CNTN5: variants seen among roughly 807,000 people sequenced by gnomAD.
The protein encoded by CNTN5 is contactin-5.
CNTN5 carries 77 observed loss-of-function variants against 129.1 expected under a neutral mutation model. The observed-to-expected ratio is 0.60, with a 90% CI of 0.50 to 0.72. CNTN5 has a LOEUF of 0.72. Ranked by LOEUF, CNTN5 falls within the 30% of genes least tolerant of loss-of-function variation. The pLI, the probability that CNTN5 is intolerant of heterozygous loss-of-function variation, is 0.00. For missense variants in CNTN5, 1,478 were observed against 1,328.8 expected, an observed-to-expected ratio of 1.11 and a Z score of -1.75; for synonymous variants, 509 against 465.6, an observed-to-expected ratio of 1.09 and a Z score of -1.20.
At chr11:99,853,047 C>G (rs577216672) in intron 6 of CNTN5, among the ~76,000 whole-genome samples, 1 of 151,732 alleles carries the variant, frequency 6.6e-6, no homozygotes, top group African/African-American at 2.4e-5. Flanking sequence ...CAATATAGTA[C>G]AAAAAAGTAT....
chr11:99,028,287 A>C (rs931102492), intron 1 of CNTN5, among the ~76,000 whole-genome samples: 2 of 151,890 alleles, frequency 1.3e-5, no homozygotes, highest in Admixed American at 6.6e-5. Context: ...CAATTTCAAC[A>C]TTAATTTACT....
intron 1 of CNTN5, among the ~76,000 whole-genome samples, chr11:99,095,149 T>C (rs934166529): frequency 2.6e-5 from 4 of 151,908 alleles, no homozygotes; most frequent in African/African-American, 9.7e-5. Flanking sequence ...ATATACTGTA[T>C]ACTAATTTAA....
At chr11:99,278,533 GA>G (rs1405883938) in intron 1 of CNTN5, among the ~76,000 whole-genome samples, 1 of 151,656 alleles carries the variant, frequency 6.6e-6, no homozygotes, top group Non-Finnish European at 1.5e-5. Flanking sequence ...TGCTGATTAT[GA>G]TGATGATAGT....
intron 1 of CNTN5, among the ~76,000 whole-genome samples, chr11:99,087,364 T>TA (rs1234415416): frequency 6.6e-6 from 1 of 152,228 alleles, no homozygotes; most frequent in African/African-American, 2.4e-5. Flanking sequence ...TCATAATTTT[T>TA]ATATGGTTCT....
At chr11:99,948,808 G>A (rs566570322) in intron 7 of CNTN5, among the ~76,000 whole-genome samples, 56 of 152,230 alleles carry the variant, frequency 3.7e-4, no homozygotes, top group Non-Finnish European at 7.5e-4. Context: ...ACCTTCACCC[G>A]ATGCGTGCGC....
chr11:99,475,711 AATG>A (rs1309816146), intron 2 of CNTN5, among the ~76,000 whole-genome samples: 5 of 152,108 alleles, frequency 3.3e-5, no homozygotes, highest in Non-Finnish European at 7.4e-5. Flanking sequence ...TTTGTAAATA[AATG>A]ATTTTATTGC....
intron 3 of CNTN5, among the ~76,000 whole-genome samples, chr11:99,779,567 G>A (rs1945242050): frequency 6.6e-6 from 1 of 151,908 alleles, no homozygotes; most frequent in African/African-American, 2.4e-5. Context: ...CTTGTTTTCT[G>A]TGTGCCAAGT....
intron 1 of CNTN5, among the ~76,000 whole-genome samples, chr11:99,299,686 T>C (rs1307492892): frequency 6.6e-6 from 1 of 152,166 alleles, no homozygotes; most frequent in East Asian, 1.9e-4. Context: ...CTAGGAGTGA[T>C]GGTCCCCAAC....
At chr11:100,277,742 C>A (rs1005280606) in intron 18 of CNTN5, among the ~76,000 whole-genome samples, 6 of 152,006 alleles carry the variant, frequency 3.9e-5, no homozygotes, top group Non-Finnish European at 8.8e-5. Flanking sequence ...AGGTAGTTTG[C>A]AAATATTTTC....
At chr11:99,634,217 C>T (rs1951466630) in intron 3 of CNTN5, among the ~76,000 whole-genome samples, 1 of 152,110 alleles carries the variant, frequency 6.6e-6, no homozygotes, top group Non-Finnish European at 1.5e-5. Flanking sequence ...GTCTACACTT[C>T]ATGGGTATTT....
intron 16 of CNTN5, among the ~76,000 whole-genome samples, chr11:100,254,349 A>T (rs1028788141): frequency 6.6e-6 from 1 of 152,212 alleles, no homozygotes; most frequent in African/African-American, 2.4e-5. Context: ...AGTTTAAAAA[A>T]TGAGTACCTT....
intron 7 of CNTN5, among the ~76,000 whole-genome samples, chr11:99,928,429 C>G (rs887384246): frequency 9.8e-5 from 15 of 152,316 alleles, no homozygotes; most frequent in African/African-American, 2.9e-4. Flanking sequence ...GTCCCTGCAG[C>G]AAGCTTCTGC....
At chr11:100,349,658 C>G (rs1002830567) in intron 23 of CNTN5, among the ~76,000 whole-genome samples, 2 of 151,758 alleles carry the variant, frequency 1.3e-5, no homozygotes, top group Non-Finnish European at 2.9e-5. Flanking sequence ...TGTATGAATA[C>G]AAAGCCATTT....
At chr11:99,243,582 T>C (rs1861669443) in intron 1 of CNTN5, among the ~76,000 whole-genome samples, 1 of 152,126 alleles carries the variant, frequency 6.6e-6, no homozygotes, top group Non-Finnish European at 1.5e-5. Flanking sequence ...TTCTAGGATA[T>C]GTATAGTTTT....
intron 8 of CNTN5, among the ~76,000 whole-genome samples, chr11:99,965,897 A>C (rs554900904): frequency 1.3e-5 from 2 of 152,320 alleles, no homozygotes; most frequent in African/African-American, 4.8e-5. Context: ...TAAGAAGGAC[A>C]CTTTCCTGAA....
intron 2 of CNTN5, among the ~76,000 whole-genome samples, chr11:99,534,920 A>G (rs1947846587): frequency 6.6e-6 from 1 of 152,134 alleles, no homozygotes; most frequent in Non-Finnish European, 1.5e-5. Flanking sequence ...GAAAGGTGGT[A>G]TGTTGGAAAG....
At chr11:100,165,323 TG>T (rs1311689540) in intron 13 of CNTN5, among the ~76,000 whole-genome samples, 2 of 151,748 alleles carry the variant, frequency 1.3e-5, no homozygotes, top group Non-Finnish European at 2.9e-5. Flanking sequence ...CTGTGTAACT[TG>T]GCCCTCTCCT....
intron 13 of CNTN5, among the ~76,000 whole-genome samples, chr11:100,161,191 T>C (rs985512992): frequency 6.6e-6 from 1 of 151,894 alleles, no homozygotes; most frequent in Non-Finnish European, 1.5e-5. Flanking sequence ...CTGAAGTTTT[T>C]CATGATTGGG....
intron 13 of CNTN5, among the ~76,000 whole-genome samples, chr11:100,135,455 A>G (rs576222643): frequency 2.2e-4 from 33 of 152,238 alleles, no homozygotes; most frequent in African/African-American, 6.0e-4. Flanking sequence ...GATTACAGGC[A>G]TGAGCCACTG....
Sources: gnomAD v4.1 joint callset for allele counts (sites outside exome capture counted in the v4.1 genomes callset) on GRCh38, gnomAD v4.1.1 for gene constraint, MANE v1.5 for transcripts, NCBI Gene and HGNC (gene_info 2026-07-23, HGNC 2026-07-21) for gene names.